DIP2B: variants seen among roughly 807,000 people sequenced by gnomAD.
DIP2B encodes the protein disco-interacting protein 2 homolog B.
Under a neutral mutation model 198.0 loss-of-function variants are expected in DIP2B, and 76 were observed. That is an observed-to-expected ratio of 0.38 (90% CI 0.32 to 0.46). The LOEUF is 0.46. Ranked by LOEUF, DIP2B falls within the 20% of genes least tolerant of loss-of-function variation. The probability of loss-of-function intolerance (pLI) is 0.99; values close to 1 mark genes in which losing one functional copy is unlikely to be tolerated. For missense variants in DIP2B, 1,559 were observed against 1,978.4 expected, an observed-to-expected ratio of 0.79 and a Z score of 4.02; for synonymous variants, 701 against 739.1, an observed-to-expected ratio of 0.95 and a Z score of 0.84.
chr12:50,623,617 A>T (rs1304991946), intron 1 of DIP2B, among the ~76,000 whole-genome samples: 3 of 152,124 alleles, frequency 2.0e-5, no homozygotes, highest in African/African-American at 7.2e-5. Flanking sequence ...ATATGCAAAC[A>T]TACCTATTAC....
chr12:50,735,003 C>G, intron 33 of DIP2B, 70 bp from the exon 34 acceptor site: 2 of 1,581,050 alleles, frequency 1.3e-6, no homozygotes, highest in Non-Finnish European at 8.7e-7. Flanking sequence ...GAAGGCAGCA[C>G]CGAGCTGCAG....
intron 35 of DIP2B, 129 bp downstream of exon 35, chr12:50,737,239 A>G: frequency 1.2e-6 from 1 of 809,410 alleles, no homozygotes; most frequent in Non-Finnish European, 1.9e-6. Flanking sequence ...TTTTTTCTGT[A>G]AGGCATGAGA....
At position 50,612,359 on chromosome 12, in the gene DIP2B, G is replaced by A. The variant is rs141290933; in HGVS notation, c.101-13617G>A. On this transcript the variant is annotated intron_variant, in intron 1 of 37. Transcript: ENST00000301180. ...TTCAGCATTCTTTCCTTTTGGAATC[G>A]TGTTATTTCTTCTTGAGGGTGACAT... 4.7e-3 allele frequency among the ~76,000 whole-genome samples: 714 copies of A among 151,926 alleles called. 8 individuals are homozygous for A. The highest frequency in any genetic ancestry group is 0.016 in the African/African-American group (674 of 41,448).
At chr12:50,663,048 G>A (rs943590795) in intron 4 of DIP2B, among the ~76,000 whole-genome samples, 15 of 152,186 alleles carry the variant, frequency 9.9e-5, no homozygotes, top group Non-Finnish European at 1.8e-4. Flanking sequence ...GGCAGAGGTC[G>A]CAGTGAGCCG....
intron 12 of DIP2B, chr12:50,686,936 T>C (rs1347516958): frequency 8.7e-6 from 3 of 345,778 alleles, no homozygotes; most frequent in South Asian, 6.0e-5. Flanking sequence ...CAAAAGACTT[T>C]AGGGAAGTAC....
chr12:50,719,234 T>G (rs887855545), intron 25 of DIP2B, among the ~76,000 whole-genome samples, 199 bp downstream of exon 25: 1 of 152,210 alleles, frequency 6.6e-6, no homozygotes, highest in Admixed American at 6.5e-5. Context: ...GAGTGCTATG[T>G]AATACTTTCT....
intron 1 of DIP2B, among the ~76,000 whole-genome samples, chr12:50,590,616 C>T (rs1256450775): frequency 6.6e-6 from 1 of 152,154 alleles, no homozygotes; most frequent in Non-Finnish European, 1.5e-5. Flanking sequence ...GATCTACCCA[C>T]CTCGGCCTCT....
chr12:50,527,625 C>G (rs1958178491), intron 1 of DIP2B, among the ~76,000 whole-genome samples: 1 of 152,120 alleles, frequency 6.6e-6, no homozygotes, highest in Admixed American at 6.6e-5. Flanking sequence ...CACCTGTAGT[C>G]TCATCTGCTT....
chr12:50,523,239 T>A (rs1206681118), intron 1 of DIP2B, among the ~76,000 whole-genome samples: 5 of 152,232 alleles, frequency 3.3e-5, no homozygotes, highest in Admixed American at 3.3e-4. Context: ...GCACATCCTC[T>A]TGTTTAAATC....
At chr12:50,571,738 G>C (rs3893353) in intron 1 of DIP2B, among the ~76,000 whole-genome samples, 41,180 of 151,668 alleles carry the variant, frequency 0.27, 5,936 homozygotes, top group East Asian at 0.39. Flanking sequence ...ATTTTTAGTA[G>C]AGACAGGGTT....
intron 1 of DIP2B, among the ~76,000 whole-genome samples, chr12:50,522,429 C>T (rs1410546088): frequency 6.6e-6 from 1 of 152,158 alleles, no homozygotes; most frequent in Non-Finnish European, 1.5e-5. Context: ...CGGGAACCAG[C>T]CCTGGAAAGG....
At chr12:50,584,704 C>T (rs931259003) in intron 1 of DIP2B, among the ~76,000 whole-genome samples, 2 of 152,128 alleles carry the variant, frequency 1.3e-5, no homozygotes, top group African/African-American at 4.8e-5. Context: ...GCTGGGATTA[C>T]AGATGTGTGC....
At chr12:50,649,560 G>A (rs1209026039) in intron 3 of DIP2B, among the ~76,000 whole-genome samples, 1 of 152,114 alleles carries the variant, frequency 6.6e-6, no homozygotes, top group Non-Finnish European at 1.5e-5. Flanking sequence ...CCATGTATAA[G>A]CATAAACTTC....
chr12:50,573,326 G>C (rs1243897566), intron 1 of DIP2B, among the ~76,000 whole-genome samples: 1 of 152,226 alleles, frequency 6.6e-6, no homozygotes. Flanking sequence ...AAATAAGATT[G>C]AGTATCGATC....
intron 2 of DIP2B, among the ~76,000 whole-genome samples, chr12:50,627,366 C>G (rs757709258): frequency 2.0e-5 from 3 of 152,046 alleles, no homozygotes; most frequent in Non-Finnish European, 4.4e-5. Context: ...CAGATTCTTG[C>G]TCTGTCACCC....
At chr12:50,725,017 A>AG (rs1290814612) in intron 28 of DIP2B, 131 bp downstream of exon 28, 1 of 823,964 alleles carries the variant, frequency 1.2e-6, no homozygotes, top group Non-Finnish European at 2.0e-6. Context: ...GGCAAAACCT[A>AG]GGATCAGTAA....
intron 33 of DIP2B, among the ~76,000 whole-genome samples, chr12:50,734,528 G>T (rs1435836575): frequency 6.6e-6 from 1 of 152,176 alleles, no homozygotes; most frequent in African/African-American, 2.4e-5. Context: ...TAAGATAAAT[G>T]AGTCAGAGTA....
At chr12:50,553,753 A>G (rs1488827406) in intron 1 of DIP2B, among the ~76,000 whole-genome samples, 1 of 152,166 alleles carries the variant, frequency 6.6e-6, no homozygotes, top group African/African-American at 2.4e-5. Flanking sequence ...TCCTGGGCTC[A>G]GGTGATCCTT....
At chr12:50,687,008 G>A (rs1055270040) in intron 12 of DIP2B, 1 of 204,440 alleles carries the variant, frequency 4.9e-6, no homozygotes, top group African/African-American at 2.3e-5. Context: ...AGAGAGGTTG[G>A]GGGTAAGAGA....
Sources: allele counts gnomAD v4.1 joint callset (sites outside exome capture counted in the v4.1 genomes callset), GRCh38; gene constraint gnomAD v4.1.1; transcripts MANE v1.5; gene names NCBI Gene and HGNC (gene_info 2026-07-23, HGNC 2026-07-21).